The following TMTC2 variants were observed in gnomAD, a reference collection of about 807,000 sequenced individuals.
TMTC2 encodes protein O-mannosyl-transferase TMTC2.
TMTC2 carries 43 observed loss-of-function variants against 82.4 expected under a neutral mutation model. The ratio of observed to expected loss-of-function variants is 0.52; its 90% CI spans 0.41 to 0.67. TMTC2 has a LOEUF of 0.67. Ranked by LOEUF, TMTC2 falls within the 30% of genes least tolerant of loss-of-function variation. The pLI, the probability that TMTC2 is intolerant of heterozygous loss-of-function variation, is 0.00. For synonymous variants in TMTC2, 408 were observed against 381.9 expected (o/e 1.07, Z -0.80); for missense variants, 919 against 1,012.4 (o/e 0.91, Z 1.25).
Position 82,756,996 on chromosome 12 carries a change from A to G in TMTC2, c.83+69327A>G, listed in dbSNP as rs958571965. On this transcript the variant is annotated intron_variant, in intron 1 of 11. Transcript: ENST00000321196. The stretch of plus-strand genomic sequence containing the variant: ...TTCTTATTCCAGGTGGTTTTCCTGA[A>G]ATCAAACTCTGATTTCCAGGGATAA... Among the ~76,000 whole-genome samples the G allele has an allele frequency of 3.9e-5, 6 of 152,180 alleles. No homozygotes were observed. The South Asian group carries it at 1.0e-3, about 26-fold the overall frequency.
intron 1 of TMTC2, among the ~76,000 whole-genome samples, chr12:82,735,109 T>G (rs1418264291): frequency 1.3e-5 from 2 of 152,168 alleles, no homozygotes; most frequent in Non-Finnish European, 2.9e-5. Flanking sequence ...GAGAGATACT[T>G]GCCTTGAGCA....
chr12:82,819,253 CTT>C (rs1301205130), intron 1 of TMTC2, among the ~76,000 whole-genome samples: 3 of 152,118 alleles, frequency 2.0e-5, no homozygotes, highest in African/African-American at 7.2e-5. Context: ...TTTTAGAAAA[CTT>C]TTCTTTCAAC....
Position 82,814,269 on chromosome 12 carries a change from G to A in TMTC2, c.84-42741G>A, listed in dbSNP as rs554845576. Among the ~76,000 whole-genome samples, 94 of 152,234 alleles carry A rather than the reference G, an allele frequency of 6.2e-4. 1 individual carries two copies. The highest frequency in any genetic ancestry group is 2.2e-3 in the African/African-American group (90 of 41,564). ...TCAGATGAATGACAAAGACTTCCTGGAGGAAATGGGCTTTGAAGAAGGGGA... is the reference window on the plus strand; with the variant it reads ...TCAGATGAATGACAAAGACTTCCTGAAGGAAATGGGCTTTGAAGAAGGGGA... On this transcript the variant is annotated intron_variant, in intron 1 of 11. Coordinates refer to ENST00000321196, the MANE Select transcript of TMTC2 (RefSeq NM_152588.3).
intron 3 of TMTC2, among the ~76,000 whole-genome samples, chr12:82,904,591 C>T (rs1445427936): frequency 3.3e-5 from 5 of 152,302 alleles, no homozygotes; most frequent in Admixed American, 6.5e-5. Context: ...GCTGATTTCA[C>T]AATGACTCTT....
chr12:82,822,990 G>A (rs189148480), intron 1 of TMTC2, among the ~76,000 whole-genome samples: 3 of 152,138 alleles, frequency 2.0e-5, no homozygotes, highest in Admixed American at 6.5e-5. Context: ...AGGATGGAGG[G>A]CATTTAAAAA....
intron 1 of TMTC2, among the ~76,000 whole-genome samples, chr12:82,836,153 T>C (rs1020331074): frequency 9.9e-6 from 1 of 101,374 alleles, no homozygotes; most frequent in African/African-American, 2.3e-4. Flanking sequence ...ATAGCTTGTA[T>C]GCTTGTATAT....
chr12:82,956,756 G>A (rs368744183), intron 4 of TMTC2, among the ~76,000 whole-genome samples: 1 of 152,030 alleles, frequency 6.6e-6, no homozygotes, highest in Non-Finnish European at 1.5e-5. Context: ...ACCTGGCCAG[G>A]TAAAACAGAC....
intron 1 of TMTC2, among the ~76,000 whole-genome samples, chr12:82,789,955 G>A (rs934757623): frequency 1.3e-5 from 2 of 152,116 alleles, no homozygotes; most frequent in African/African-American, 4.8e-5. Flanking sequence ...GCTCATGCCT[G>A]TAATCCCATC....
chr12:82,941,383 T>G (rs1876710358), intron 4 of TMTC2, among the ~76,000 whole-genome samples: 1 of 152,174 alleles, frequency 6.6e-6, no homozygotes, highest in Non-Finnish European at 1.5e-5. Flanking sequence ...TGTGTATATG[T>G]TAATAAACTA....
chr12:82,769,124 G>A (rs575882940), intron 1 of TMTC2, among the ~76,000 whole-genome samples: 28 of 151,358 alleles, frequency 1.8e-4, no homozygotes, highest in African/African-American at 6.1e-4. Context: ...TCCCTCAGGC[G>A]CATCAATTCA....
intron 1 of TMTC2, among the ~76,000 whole-genome samples, chr12:82,746,138 A>T (rs1433379294): frequency 6.6e-6 from 1 of 152,230 alleles, no homozygotes; most frequent in Non-Finnish European, 1.5e-5. Flanking sequence ...AGTGATACAA[A>T]GAGCTTTCAT....
intron 9 of TMTC2, among the ~76,000 whole-genome samples, chr12:83,039,192 C>T (rs1420289253): frequency 6.6e-6 from 1 of 152,034 alleles, no homozygotes; most frequent in Non-Finnish European, 1.5e-5. Context: ...CTTGGCCTCC[C>T]AAAGTGCTAG....
chr12:82,917,670 C>T (rs1188550543), intron 3 of TMTC2, among the ~76,000 whole-genome samples: 2 of 151,676 alleles, frequency 1.3e-5, no homozygotes, highest in East Asian at 1.9e-4. Context: ...GGTACCATTT[C>T]GTCTCACTGC....
chr12:82,803,141 A>G (rs575229891), intron 1 of TMTC2, among the ~76,000 whole-genome samples: 11 of 152,298 alleles, frequency 7.2e-5, no homozygotes, highest in Middle Eastern at 3.4e-3. Flanking sequence ...AATTTTGGCT[A>G]TGTCATCCTT....
At chr12:83,098,898 G>A (rs929850533) in intron 11 of TMTC2, among the ~76,000 whole-genome samples, 1 of 152,064 alleles carries the variant, frequency 6.6e-6, no homozygotes, top group Non-Finnish European at 1.5e-5. Flanking sequence ...CTTGAAAATC[G>A]ATATTAAATA....
chr12:83,105,552 A>G (rs899527655), intron 11 of TMTC2, among the ~76,000 whole-genome samples: 3 of 152,190 alleles, frequency 2.0e-5, no homozygotes, highest in Admixed American at 2.0e-4. Context: ...GGAGGAGGAA[A>G]GAGTGAGGGG....
chr12:82,902,053 A>G (rs1354321573), intron 3 of TMTC2, among the ~76,000 whole-genome samples: 1 of 152,126 alleles, frequency 6.6e-6, no homozygotes, highest in Non-Finnish European at 1.5e-5. Context: ...AGTTGAGAGG[A>G]ATGGTTTTCC....
chr12:82,824,810 C>G (rs147541610), intron 1 of TMTC2, among the ~76,000 whole-genome samples: 1 of 152,250 alleles, frequency 6.6e-6, no homozygotes, highest in East Asian at 1.9e-4. Context: ...ATACATAGGC[C>G]TGGCACAGTG....
At chr12:82,805,695 C>T (rs372253845) in intron 1 of TMTC2, among the ~76,000 whole-genome samples, 6 of 151,476 alleles carry the variant, frequency 4.0e-5, no homozygotes, top group Non-Finnish European at 5.9e-5. Context: ...TTAGTAGAGA[C>T]GGGGTTTCAC....
Sources: allele counts gnomAD v4.1 joint callset (sites outside exome capture counted in the v4.1 genomes callset), GRCh38; gene constraint gnomAD v4.1.1; transcripts MANE v1.5; gene names NCBI Gene and HGNC (gene_info 2026-07-23, HGNC 2026-07-21).